Variants in TENM1 observed in about 807,000 individuals in gnomAD.
TENM1 encodes the protein teneurin-1.
TENM1 carries 35 observed loss-of-function variants against 174.8 expected under a neutral mutation model. The ratio of observed to expected loss-of-function variants is 0.20; its 90% CI spans 0.15 to 0.27. The LOEUF (loss-of-function observed/expected upper bound fraction) is 0.27, where lower values mean the gene tolerates loss of function less well. Ranked by LOEUF, TENM1 falls within the 10% of genes least tolerant of loss-of-function variation. The probability of loss-of-function intolerance (pLI) is 1.00; values close to 1 mark genes in which losing one functional copy is unlikely to be tolerated. For synonymous variants in TENM1, 781 were observed against 798.7 expected, an observed-to-expected ratio of 0.98 and a Z score of 0.37; for missense variants, 1,633 against 2,130.1, an observed-to-expected ratio of 0.77 and a Z score of 4.59.
At position 124,420,540 on chromosome X, in the gene TENM1, C is replaced by T. The variant is rs148440423; in HGVS notation, c.4753G>A (p.Ala1585Thr). The change falls in exon 25 of 32, where the codon GCG (alanine) becomes ACG (threonine). Residue 1585 changes from alanine to threonine, a missense_variant. Ala to Thr is a moderately conservative substitution (Grantham distance 58, BLOSUM62 0). Coordinates refer to ENST00000422452, the Ensembl canonical transcript of TENM1. ...GAATTGCCATTGCTGCTGGTAATCG[C>T]GCCCAAGTCACCTTCAGAATTGTAG... The T allele has an allele frequency of 3.6e-5, 44 of 1,210,859 alleles. No homozygotes were observed. In the African/African-American group the frequency reaches 4.3e-4, roughly 12 times the overall value.
intron 3 of TENM1, among the ~76,000 whole-genome samples, chrX:124,853,468 G>T (rs1294615944): frequency 9.0e-6 from 1 of 111,240 alleles, no homozygotes; most frequent in Non-Finnish European, 1.9e-5. Flanking sequence ...AACACAGAAT[G>T]AGAGTTGACA....
intron 7 of TENM1, among the ~76,000 whole-genome samples, chrX:124,653,288 A>C (rs1602917559): frequency 8.9e-6 from 1 of 111,782 alleles, no homozygotes; most frequent in East Asian, 2.8e-4. Flanking sequence ...AGTAAAGCTA[A>C]GCAAGATGAG....
chrX:124,740,431 G>A (rs2053773102), intron 3 of TENM1, among the ~76,000 whole-genome samples: 2 of 100,789 alleles, frequency 2.0e-5, no homozygotes, highest in Admixed American at 2.0e-4. Context: ...TGCAATCATA[G>A]TATTATTATT....
chrX:124,924,914 A>G (rs1390019582), intron 1 of TENM1, among the ~76,000 whole-genome samples: 2 of 110,214 alleles, frequency 1.8e-5, no homozygotes, highest in Admixed American at 9.7e-5. Flanking sequence ...CCACCGAACA[A>G]GCTAGATATC....
chrX:124,614,140 T>C lies in TENM1; in HGVS notation c.2077+27651A>G, dbSNP rs745487272. ...GCTGGTATGGCTGAGTCCATGTATA[T>C]GAAGCCTCTCATAATATGGAACAGA... On this transcript the variant is annotated intron_variant, in intron 11 of 31. Coordinates refer to ENST00000422452, the Ensembl canonical transcript of TENM1. Among the ~76,000 whole-genome samples, 222 of 111,779 alleles carry C rather than the reference T, an allele frequency of 2.0e-3. 2 individuals are homozygous for C. The highest frequency in any genetic ancestry group is 5.5e-3 in the Admixed American group (58 of 10,548).
intron 23 of TENM1, among the ~76,000 whole-genome samples, chrX:124,432,706 A>G (rs2060794235): frequency 8.9e-6 from 1 of 112,405 alleles, no homozygotes; most frequent in Non-Finnish European, 1.9e-5. Context: ...GATTACAGGC[A>G]TGAGCCACCA....
chrX:124,764,194 A>T, intron 3 of TENM1, among the ~76,000 whole-genome samples: 1 of 111,862 alleles, frequency 8.9e-6, no homozygotes, highest in Non-Finnish European at 1.9e-5. Flanking sequence ...ACTAGGTAGA[A>T]GTGGTAAATG....
chrX:124,517,969 G>A (rs2047753074), intron 18 of TENM1, among the ~76,000 whole-genome samples: 1 of 111,129 alleles, frequency 9.0e-6, no homozygotes, highest in Admixed American at 9.6e-5. Context: ...GATTCAGTGA[G>A]GGTCTCAGCA....
chrX:124,523,650 T>C (rs370115600), intron 16 of TENM1, 25 bp from the exon 20 acceptor site: 100 of 1,187,492 alleles, frequency 8.4e-5, no homozygotes, highest in Non-Finnish European at 1.1e-4. Context: ...CATAAGACAG[T>C]TGCAATCAAA....
At chrX:124,754,129 C>T (rs1326305890) in intron 3 of TENM1, among the ~76,000 whole-genome samples, 1 of 110,805 alleles carries the variant, frequency 9.0e-6, no homozygotes, top group African/African-American at 3.3e-5. Context: ...GGACTCTTTT[C>T]GTTGGTAAGC....
At chrX:124,571,707 T>C (rs1178882737) in intron 11 of TENM1, among the ~76,000 whole-genome samples, 1 of 111,736 alleles carries the variant, frequency 8.9e-6, no homozygotes, top group African/African-American at 3.2e-5. Flanking sequence ...AAACCTTAGA[T>C]AAAGTAGATG....
At chrX:124,677,658 A>C (rs903728847) in intron 5 of TENM1, among the ~76,000 whole-genome samples, 1 of 111,574 alleles carries the variant, frequency 9.0e-6, no homozygotes, top group Non-Finnish European at 1.9e-5. Context: ...ATACCCATCT[A>C]TGGAAGAGTG....
the TENM1 span, among the ~76,000 whole-genome samples, chrX:124,995,411 T>C: frequency 2.7e-4 from 30 of 111,563 alleles, no homozygotes; most frequent in African/African-American, 9.7e-4. Flanking sequence ...AATATTAATT[T>C]AATAAATGAA....
intron 1 of TENM1, among the ~76,000 whole-genome samples, chrX:124,942,446 C>G (rs374903986): frequency 4.5e-4 from 50 of 111,760 alleles, no homozygotes; most frequent in African/African-American, 1.4e-3. Flanking sequence ...CTTTCCCCCC[C>G]GCCCCGCAGG....
chrX:124,816,256 A>G (rs2055892594), intron 3 of TENM1, among the ~76,000 whole-genome samples: 1 of 111,898 alleles, frequency 8.9e-6, no homozygotes, highest in South Asian at 3.7e-4. Flanking sequence ...CTTTTCTCAG[A>G]CCAATTTGCA....
chrX:124,448,717 G>C (rs1272254255), intron 23 of TENM1, among the ~76,000 whole-genome samples: 2 of 111,877 alleles, frequency 1.8e-5, no homozygotes, highest in Non-Finnish European at 3.8e-5. Context: ...GCATGTTCCA[G>C]GAACACACAG....
At chrX:124,498,384 G>T (rs1054597884) in intron 19 of TENM1, among the ~76,000 whole-genome samples, 11 of 110,603 alleles carry the variant, frequency 9.9e-5, no homozygotes, top group Non-Finnish European at 1.7e-4. Context: ...TCAGTCTGTG[G>T]TTTAATACCT....
intron 6 of TENM1, among the ~76,000 whole-genome samples, chrX:124,665,821 C>T (rs2148423571): frequency 8.9e-6 from 1 of 112,160 alleles, no homozygotes; most frequent in South Asian, 3.7e-4. Context: ...CCTTCCCTCG[C>T]CATATCTGGA....
intron 22 of TENM1, among the ~76,000 whole-genome samples, chrX:124,461,017 C>G (rs553178964): frequency 3.9e-4 from 44 of 112,147 alleles, no homozygotes; most frequent in African/African-American, 1.3e-3. Context: ...TCTTGTATTC[C>G]TATAGATCTC....
Sources: allele counts gnomAD v4.1 joint callset (sites outside exome capture counted in the v4.1 genomes callset), GRCh38; gene constraint gnomAD v4.1.1; transcripts MANE v1.5; gene names NCBI Gene and HGNC (gene_info 2026-07-23, HGNC 2026-07-21).